The following MACROD1 variants were observed in gnomAD, a reference collection of about 807,000 sequenced individuals.
The protein encoded by MACROD1 is ADP-ribose glycohydrolase MACROD1.
MACROD1 carries 31 observed loss-of-function variants against 41.4 expected under a neutral mutation model. The ratio of observed to expected loss-of-function variants is 0.75; its 90% CI spans 0.56 to 1.01. The LOEUF (loss-of-function observed/expected upper bound fraction) is 1.01. Among genes scored for constraint, MACROD1 ranks in the 50% least tolerant of loss-of-function variants. MACROD1 has a pLI of 0.00. For missense variants in MACROD1, 473 were observed against 460.0 expected (o/e 1.03, Z -0.26); for synonymous variants, 252 against 203.4 (o/e 1.24, Z -2.03).
At chr11:64,073,687 C>A (rs960360225) in intron 3 of MACROD1, among the ~76,000 whole-genome samples, 1 of 152,176 alleles carries the variant, frequency 6.6e-6, no homozygotes, top group African/African-American at 2.4e-5. Flanking sequence ...AGATGGCATG[C>A]GAGAGTGTGC....
At chr11:64,041,616 G>A (rs1943488903) in intron 3 of MACROD1, among the ~76,000 whole-genome samples, 1 of 152,114 alleles carries the variant, frequency 6.6e-6, no homozygotes, top group South Asian at 2.1e-4. Context: ...GGTGCAGCCA[G>A]GACCGAATGA....
chr11:64,130,470 G>A (rs997570308), intron 3 of MACROD1, among the ~76,000 whole-genome samples: 5 of 152,076 alleles, frequency 3.3e-5, no homozygotes, highest in African/African-American at 9.7e-5. Context: ...TGGCCTCACC[G>A]AGCAACCTGA....
intron 3 of MACROD1, among the ~76,000 whole-genome samples, chr11:64,145,397 T>A (rs773226854): frequency 6.6e-6 from 1 of 152,180 alleles, no homozygotes; most frequent in Non-Finnish European, 1.5e-5. Flanking sequence ...TATACTCTGC[T>A]TAGTAGCTCT....
At position 64,161,731 on chromosome 11, in the gene MACROD1, T is replaced by C. The variant is rs549869537; in HGVS notation, c.298+3966A>G. Among the ~76,000 whole-genome samples, 22 of 152,302 alleles carry C rather than the reference T, an allele frequency of 1.4e-4. No individual in the cohort carries two copies. In the South Asian group the frequency reaches 4.1e-3, roughly 29 times the overall value. On this transcript the variant is annotated intron_variant, in intron 1 of 10. Coordinates refer to ENST00000255681, the MANE Select transcript of MACROD1 (RefSeq NM_014067.4). ...GGCGGATTGCTTGAGGCCAGGAGTT[T>C]GAGACCAGCCTGGGTAACATGGTGA...
At chr11:64,132,201 G>A (rs544786987) in intron 3 of MACROD1, among the ~76,000 whole-genome samples, 8 of 152,086 alleles carry the variant, frequency 5.3e-5, no homozygotes, top group African/African-American at 7.2e-5. Flanking sequence ...CCAAGCTCTC[G>A]AGCCCTTTCT....
intron 3 of MACROD1, among the ~76,000 whole-genome samples, chr11:64,041,123 A>AT (rs1215925321): frequency 3.1e-5 from 4 of 127,382 alleles, no homozygotes; most frequent in Admixed American, 1.9e-4. Context: ...CTGTGGCAGT[A>AT]TTTTTTTCAC....
At chr11:64,071,204 C>T (rs2134462425) in intron 3 of MACROD1, among the ~76,000 whole-genome samples, 1 of 152,146 alleles carries the variant, frequency 6.6e-6, no homozygotes, top group South Asian at 2.1e-4. Flanking sequence ...TGCAAACCAC[C>T]CTCCCAGCCT....
intron 3 of MACROD1, among the ~76,000 whole-genome samples, chr11:64,094,084 G>A (rs1359186837): frequency 6.6e-6 from 1 of 152,138 alleles, no homozygotes; most frequent in African/African-American, 2.4e-5. Flanking sequence ...ATCATCTGAG[G>A]TCAGGAGTTT....
intron 4 of MACROD1, among the ~76,000 whole-genome samples, chr11:64,010,080 A>AGTTG (rs1942977957): frequency 2.4e-4 from 2 of 8,372 alleles, no homozygotes; most frequent in Non-Finnish European, 5.1e-4. Context: ...GGTGTTGCCC[A>AGTTG]GGGTGTTGGT....
intron 3 of MACROD1, among the ~76,000 whole-genome samples, chr11:64,069,943 C>T (rs574858242): frequency 3.9e-5 from 6 of 152,162 alleles, no homozygotes; most frequent in Admixed American, 3.3e-4. Context: ...GAGCCCGACT[C>T]GCGCCCAGTG....
chr11:64,051,606 G>T (rs928249996), intron 3 of MACROD1, among the ~76,000 whole-genome samples: 15 of 152,216 alleles, frequency 9.9e-5, no homozygotes, highest in Non-Finnish European at 2.2e-4. Context: ...TGCCACCACC[G>T]CCATTCCTGC....
intron 3 of MACROD1, chr11:64,117,994 A>T (rs749335298): frequency 1.2e-6 from 2 of 1,613,620 alleles, no homozygotes; most frequent in Non-Finnish European, 1.7e-6. Context: ...ATCTGCTGGT[A>T]CGTGCACCAG....
At chr11:64,162,510 T>C (rs1197087995) in intron 1 of MACROD1, among the ~76,000 whole-genome samples, 2 of 150,346 alleles carry the variant, frequency 1.3e-5, no homozygotes, top group African/African-American at 4.9e-5. Context: ...TCGAAAAAAA[T>C]TTAAATTAAT....
At chr11:64,079,410 G>C (rs1168987802) in intron 3 of MACROD1, among the ~76,000 whole-genome samples, 1 of 152,066 alleles carries the variant, frequency 6.6e-6, no homozygotes, top group Non-Finnish European at 1.5e-5. Flanking sequence ...TGGGGATGGG[G>C]GGGTGTGCGA....
At chr11:64,011,215 CTGGGGTGTTGGT>C (rs569443679) in intron 4 of MACROD1, among the ~76,000 whole-genome samples, 3,447 of 123,194 alleles carry the variant, frequency 0.028, 126 homozygotes, top group African/African-American at 0.1. Context: ...GGCGTGTTGG[CTGGGGTGTTGGT>C]TGGGGTGTTG....
chr11:64,076,529 G>A (rs1314559458), intron 3 of MACROD1, among the ~76,000 whole-genome samples: 1 of 152,112 alleles, frequency 6.6e-6, no homozygotes, highest in Non-Finnish European at 1.5e-5. Flanking sequence ...CTGGCACTGG[G>A]GTCTGGAGAC....
intron 3 of MACROD1, among the ~76,000 whole-genome samples, chr11:64,066,294 C>CAAA (rs59963244): frequency 1.2e-3 from 60 of 50,678 alleles, no homozygotes; most frequent in Non-Finnish European, 1.8e-3. Flanking sequence ...GAGACTGTCT[C>CAAA]AAAAAAAAAA....
At chr11:64,133,588 TG>T (rs1945294936) in intron 3 of MACROD1, among the ~76,000 whole-genome samples, 1 of 152,192 alleles carries the variant, frequency 6.6e-6, no homozygotes, top group South Asian at 2.1e-4. Flanking sequence ...GAAAGACATC[TG>T]GACCCAGACC....
At chr11:64,049,214 C>T (rs1167659953) in intron 3 of MACROD1, among the ~76,000 whole-genome samples, 1 of 152,140 alleles carries the variant, frequency 6.6e-6, no homozygotes, top group African/African-American at 2.4e-5. Context: ...TGGAAGGACC[C>T]CCAGAGACCA....
Sources: gnomAD v4.1 joint callset for allele counts (sites outside exome capture counted in the v4.1 genomes callset) on GRCh38, gnomAD v4.1.1 for gene constraint, MANE v1.5 for transcripts, NCBI Gene and HGNC (gene_info 2026-07-23, HGNC 2026-07-21) for gene names.